Variants in EN2 observed in about 807,000 individuals in gnomAD.
The protein encoded by EN2 is engrailed homeobox 2, also known as homeobox protein engrailed-2.
A neutral mutation model predicts 25.0 loss-of-function variants in EN2; 7 were observed. That is an observed-to-expected ratio of 0.28 (90% CI 0.16 to 0.53). EN2 has a LOEUF of 0.53. Among genes scored for constraint, EN2 ranks in the 20% least tolerant of loss-of-function variants. The pLI, the probability that EN2 is intolerant of heterozygous loss-of-function variation, is 0.96. For missense variants in EN2, 524 were observed against 501.8 expected (o/e 1.04, Z -0.42); for synonymous variants, 277 against 243.3 (o/e 1.14, Z -1.29).
rs1165644541 is a variant in EN2, at chr7:155,463,029, GA to G, written c.*348del. 5.6e-6 allele frequency: 1 copy of G among 177,760 alleles called. No individual in the cohort carries two copies. The allele number at this position is 177,760 out of a possible 1,614,324, so 11.0% of individuals were successfully genotyped here. ...ACACTTTTTTATTATTCCAAAAGAAGAAAAAATTAAAACAACTTGCTGAAGT... is the reference window on the plus strand; with the variant it reads ...ACACTTTTTTATTATTCCAAAAGAAGAAAAATTAAAACAACTTGCTGAAGT... On this transcript the variant is annotated 3_prime_UTR_variant, in exon 2 of 2. Coordinates refer to ENST00000297375, the MANE Select transcript of EN2 (RefSeq NM_001427.4).
Position 155,458,596 on chromosome 7 carries a change from C to T in EN2, c.219C>T (p.Asn73=). 1 of 1,479,032 alleles carries T rather than the reference C, an allele frequency of 6.8e-7. No homozygotes were observed. Among genetic ancestry groups the T allele is most frequent in the Non-Finnish European group, 9.0e-7 (1 of 1,113,056 alleles). The allele number at this position is 1,479,032 out of a possible 1,614,324, so 91.6% of individuals were successfully genotyped here. The change falls in exon 1 of 2, where the codon AAC becomes AAT. Residue 73 remains asparagine (N), a synonymous_variant. Coordinates refer to ENST00000297375, the MANE Select transcript of EN2 (RefSeq NM_001427.4). ...GCATCACCAACTTCTTCATCGACAACATCCTGCGGCCCGAGTTCGGCCGGC... is the reference window on the plus strand; with the variant it reads ...GCATCACCAACTTCTTCATCGACAATATCCTGCGGCCCGAGTTCGGCCGGC... ...PHRITNFFID[N]ILRPEFGRRK... is the part of the protein sequence containing the mutation.
intron 1 of EN2, among the ~76,000 whole-genome samples, chr7:155,460,640 A>C (rs550302120): frequency 1.3e-5 from 2 of 152,106 alleles, no homozygotes; most frequent in African/African-American, 4.8e-5. Flanking sequence ...TGGGGAAGGG[A>C]GTGGTTGGAA....
Position 155,458,724 on chromosome 7 carries a change from G to A in EN2, c.347G>A (p.Gly116Asp), listed in dbSNP as rs1296008314. 7.5e-6 allele frequency: 10 copies of A among 1,328,794 alleles called. No individual in the cohort carries two copies. Among genetic ancestry groups the A allele is most frequent in the Non-Finnish European group, 9.6e-6 (10 of 1,046,178 alleles). The allele number at this position is 1,328,794 out of a possible 1,614,324, so 82.3% of individuals were successfully genotyped here. A position where few individuals can be genotyped will look rare whatever the true frequency, so the allele number is the denominator to read the frequency against. ...ASGAEGGGGA[G>D]GSEQLLGSGS... ...GGTGCGGAGGGAGGCGGCGGCGCGG[G>A]CGGCTCGGAGCAGCTCTTGGGCTCG... is the stretch of plus-strand genomic sequence containing the variant. Residue 116 changes from glycine to aspartate, a missense_variant, in exon 1 of 2, where the codon GGC becomes GAC. Transcript: ENST00000297375.
rs777849011 is a variant in EN2, at chr7:155,458,635, G to A, written c.258G>A (p.Gly86=). The A allele has an allele frequency of 2.8e-6, 4 of 1,438,210 alleles. No homozygotes were observed. The highest frequency in any genetic ancestry group is 1.5e-5 in the South Asian group (1 of 68,866). The allele number at this position is 1,438,210 out of a possible 1,614,324, so 89.1% of individuals were successfully genotyped here. A position where few individuals can be genotyped will look rare whatever the true frequency, so the allele number is the denominator to read the frequency against. Residue 86 remains glycine, a synonymous_variant, in exon 1 of 2, where the codon GGG becomes GGA. Coordinates refer to ENST00000297375, the MANE Select transcript of EN2 (RefSeq NM_001427.4). ...AGTTCGGCCGGCGAAAGGACGCGGG[G>A]ACCTGCTGTGCGGGCGCGGGAGGAG... ...RPEFGRRKDA[G]TCCAGAGGGR... is the part of the protein sequence containing the mutation.
Position 155,458,630 on chromosome 7 carries a change from G to T in EN2, c.253G>T (p.Ala85Ser). 1 of 1,445,668 alleles carries T rather than the reference G, an allele frequency of 6.9e-7. No individual in the cohort carries two copies. The highest frequency in any genetic ancestry group is 2.7e-5 in the Admixed American group (1 of 36,486). 89.6% of individuals were successfully genotyped at this position (1,445,668 alleles called of 1,614,324 possible). A position where few individuals can be genotyped will look rare whatever the true frequency, so the allele number is the denominator to read the frequency against. The part of the protein sequence containing the change: ...LRPEFGRRKD[A>S]GTCCAGAGGG... ...GCCCGAGTTCGGCCGGCGAAAGGAC[G>T]CGGGGACCTGCTGTGCGGGCGCGGG... is the stretch of plus-strand genomic sequence containing the variant. Residue 85 changes from alanine (A) to serine (S), a missense_variant, in exon 1 of 2, where the codon GCG becomes TCG. Physicochemically the swap from Ala to Ser is moderately conservative, Grantham distance 99 (BLOSUM62 1). Coordinates refer to ENST00000297375, the MANE Select transcript of EN2 (RefSeq NM_001427.4).
intron 1 of EN2, among the ~76,000 whole-genome samples, chr7:155,462,107 A>G (rs1238478745): frequency 3.3e-5 from 5 of 152,182 alleles, no homozygotes; most frequent in African/African-American, 4.8e-5. Context: ...TTTTATCTAG[A>G]GACCCCTCAT....
chr7:155,460,136 T>TG (rs1795678438), intron 1 of EN2, among the ~76,000 whole-genome samples: 1 of 152,266 alleles, frequency 6.6e-6, no homozygotes, highest in Non-Finnish European at 1.5e-5. Flanking sequence ...ATATTTCTGA[T>TG]GAAATTCAGA....
At position 155,458,236 on chromosome 7, in the gene EN2, C is replaced by A; in HGVS notation, c.-142C>A. The A allele has an allele frequency of 1.7e-6, 2 of 1,152,980 alleles. No homozygotes were observed. Among genetic ancestry groups the A allele is most frequent in the Non-Finnish European group, 1.1e-6 (1 of 905,776 alleles). The allele number at this position is 1,152,980 out of a possible 1,614,324, so 71.4% of individuals were successfully genotyped here. On this transcript the variant is annotated 5_prime_UTR_variant, in exon 1 of 2. Transcript: ENST00000297375. Reference sequence around the variant, plus strand: ...CGGCCGGCGACTTGTAGGACCTCAGCCCTGGCCGCGGCCGCCGCGCACGCC... The same window carrying A: ...CGGCCGGCGACTTGTAGGACCTCAGACCTGGCCGCGGCCGCCGCGCACGCC...
chr7:155,462,021 C>A (rs1323602071), intron 1 of EN2, among the ~76,000 whole-genome samples: 1 of 152,242 alleles, frequency 6.6e-6, no homozygotes, highest in Non-Finnish European at 1.5e-5. Context: ...TGTTCCTGAA[C>A]AGAGAGCCTC....
Position 155,458,352 on chromosome 7 carries a change from C to T in EN2, c.-26C>T. 1 of 1,285,180 alleles carries T rather than the reference C, an allele frequency of 7.8e-7. No homozygotes were observed. Among genetic ancestry groups the T allele is most frequent in the Middle Eastern group, 2.3e-4 (1 of 4,438 alleles). 79.6% of individuals were successfully genotyped at this position (1,285,180 alleles called of 1,614,324 possible). ...GATTTGGAAGGGCGTCCCCGGAGAA[C>T]CAGTGTGGGATTTACTGTGAACAGC... On this transcript the variant is annotated 5_prime_UTR_variant, in exon 1 of 2. Transcript: ENST00000297375.
Position 155,464,749 on chromosome 7 carries a change from G to C in EN2, c.*2062G>C, listed in dbSNP as rs1795739357. 6.6e-6 allele frequency: 1 copy of C among 152,406 alleles called. No individual in the cohort carries two copies. The highest frequency in any genetic ancestry group is 6.5e-5 in the Admixed American group (1 of 15,268). 9.4% of individuals were successfully genotyped at this position (152,406 alleles called of 1,614,324 possible). On this transcript the variant is annotated 3_prime_UTR_variant, in exon 2 of 2. Coordinates refer to ENST00000297375, the MANE Select transcript of EN2 (RefSeq NM_001427.4). ...TTACAACTGTGCTTATCAAAATTGT[G>C]AACACCCCCACCCCCGCATTTTTGT... is the stretch of plus-strand genomic sequence containing the variant.
At chr7:155,461,378 C>A (rs533942392) in intron 1 of EN2, among the ~76,000 whole-genome samples, 1 of 152,376 alleles carries the variant, frequency 6.6e-6, no homozygotes, top group Admixed American at 6.5e-5. Flanking sequence ...GATGACACTT[C>A]CCTCCTTCTG....
At position 155,462,638 on chromosome 7, in the gene EN2, T is replaced by C; in HGVS notation, c.953T>C (p.Leu318Ser). ...TLAVHLMAQG[L>S]YNHSTTAKEG... The stretch of plus-strand genomic sequence containing the variant: ...GCCGTGCACCTCATGGCACAGGGCT[T>C]GTACAACCACTCCACCACAGCCAAG... Residue 318 changes from leucine to serine, a missense_variant, in exon 2 of 2, where the codon TTG becomes TCG. Leu to Ser is a moderately radical substitution (Grantham distance 145). Transcript: ENST00000297375. 6.2e-7 allele frequency: 1 copy of C among 1,608,988 alleles called. No individual in the cohort carries two copies. Among genetic ancestry groups the C allele is most frequent in the South Asian group, 1.1e-5 (1 of 90,530 alleles).
At position 155,464,501 on chromosome 7, in the gene EN2, C is replaced by T. The variant is rs1214039942; in HGVS notation, c.*1814C>T. 1.3e-5 allele frequency: 2 copies of T among 152,726 alleles called. No homozygotes were observed. Among genetic ancestry groups the T allele is most frequent in the Middle Eastern group, 3.4e-3 (1 of 294 alleles). The allele number at this position is 152,726 out of a possible 1,614,324, so 9.5% of individuals were successfully genotyped here. A position where few individuals can be genotyped will look rare whatever the true frequency, so the allele number is the denominator to read the frequency against. ...TTTACGTTGTACATAATAGTGTAAA[C>T]CTTTTTAAAAAGGAAAGTATAAAAA... On this transcript the variant is annotated 3_prime_UTR_variant, in exon 2 of 2. Coordinates refer to ENST00000297375, the MANE Select transcript of EN2 (RefSeq NM_001427.4).
At position 155,464,466 on chromosome 7, in the gene EN2, CAGTAAT is replaced by C. The variant is rs1431577591; in HGVS notation, c.*1783_*1788del. 1 of 152,594 alleles carries C rather than the reference CAGTAAT, an allele frequency of 6.6e-6. No homozygotes were observed. Among genetic ancestry groups the C allele is most frequent in the Non-Finnish European group, 1.5e-5 (1 of 68,028 alleles). The allele number at this position is 152,594 out of a possible 1,614,324, so 9.5% of individuals were successfully genotyped here. ...TGCCTTAAACCTCTTTATTTCATTG[CAGTAAT>C]AGTTTTACGTTGTACATAATAGTGT... On this transcript the variant is annotated 3_prime_UTR_variant, in exon 2 of 2. Coordinates refer to ENST00000297375, the MANE Select transcript of EN2 (RefSeq NM_001427.4).
rs1310262656 is a variant in EN2, at chr7:155,464,162, T to A, written c.*1475T>A. The A allele has an allele frequency of 2.0e-5, 3 of 152,266 alleles. No individual in the cohort carries two copies. Among genetic ancestry groups the A allele is most frequent in the Admixed American group, 6.5e-5 (1 of 15,286 alleles). The allele number at this position is 152,266 out of a possible 1,614,324, so 9.4% of individuals were successfully genotyped here. On this transcript the variant is annotated 3_prime_UTR_variant, in exon 2 of 2. Coordinates refer to ENST00000297375, the MANE Select transcript of EN2 (RefSeq NM_001427.4). ...TCACTTTTTGTCTTTTCTTGTTTTT[T>A]AAAATATACATTTTATTTTTGAAGG...
At position 155,462,843 on chromosome 7, in the gene EN2, AG is replaced by A. The variant is rs1451883079; in HGVS notation, c.*158del. On this transcript the variant is annotated 3_prime_UTR_variant, in exon 2 of 2. Coordinates refer to ENST00000297375, the MANE Select transcript of EN2 (RefSeq NM_001427.4). ...AATATTCTATGTATATATCATTTAC[AG>A]GTGGTATAAAATCCAAAATATCTGA... is the stretch of plus-strand genomic sequence containing the variant. The A allele has an allele frequency of 2.2e-6, 2 of 929,506 alleles. No homozygotes were observed. Among genetic ancestry groups the A allele is most frequent in the Non-Finnish European group, 3.0e-6 (2 of 675,982 alleles). 57.6% of individuals were successfully genotyped at this position (929,506 alleles called of 1,614,324 possible). A position where few individuals can be genotyped will look rare whatever the true frequency, so the allele number is the denominator to read the frequency against.
In EN2 at chr7:155,461,909, G is replaced by T. The variant is rs73734531; in HGVS notation, c.686-462G>T. On this transcript the variant is annotated intron_variant, in intron 1 of 1. Coordinates refer to ENST00000297375, the MANE Select transcript of EN2 (RefSeq NM_001427.4). ...CACCCTGTGGGGTATCCCCATGAGG[G>T]TCCCCATCATAGCCCTCAGGGCGCC... Among the ~76,000 whole-genome samples the T allele has an allele frequency of 6.7e-3, 1,026 of 152,220 alleles. 10 individuals carry two copies. The highest frequency in any genetic ancestry group is 0.023 in the African/African-American group (950 of 41,516).
rs779191430 is a variant in EN2 at position 155,459,096 on chromosome 7, C to G, written c.685+34C>G. 2.6e-6 allele frequency: 4 copies of G among 1,530,880 alleles called. No homozygotes were observed. The African/African-American group carries it at 5.7e-5, about 22-fold the overall frequency. The allele number at this position is 1,530,880 out of a possible 1,614,324, so 94.8% of individuals were successfully genotyped here. On this transcript the variant is annotated intron_variant, in intron 1 of 1. Transcript: ENST00000297375. Reference sequence around the variant, plus strand: ...GCGGGGACCACGCGTCCCGGCTCGCCGCGGGGAGGCCCGCGGAGCTGGGGG... The same window carrying G: ...GCGGGGACCACGCGTCCCGGCTCGCGGCGGGGAGGCCCGCGGAGCTGGGGG...
Sources: allele counts gnomAD v4.1 joint callset (sites outside exome capture counted in the v4.1 genomes callset), GRCh38; gene constraint gnomAD v4.1.1; transcripts MANE v1.5; gene names NCBI Gene and HGNC (gene_info 2026-07-23, HGNC 2026-07-21).